Variants in ZNF483 observed in about 807,000 individuals in gnomAD.
ZNF483 encodes the protein zinc finger protein 483.
In ZNF483, 9 loss-of-function variants were observed where a neutral mutation model predicts 28.6. The observed-to-expected ratio is 0.32, with a 90% confidence interval of 0.19 to 0.55. ZNF483 has a LOEUF of 0.55. Among genes scored for constraint, ZNF483 ranks in the 20% least tolerant of loss-of-function variants. The pLI, the probability that ZNF483 is intolerant of heterozygous loss-of-function variation, is 0.93. For missense variants in ZNF483, 675 were observed against 871.7 expected, an observed-to-expected ratio of 0.77 and a Z score of 2.84; for synonymous variants, 322 against 306.2, an observed-to-expected ratio of 1.05 and a Z score of -0.54.
chr9:111,535,900 CT>C lies in ZNF483; in HGVS notation c.721+1561del, dbSNP rs571414598. On this transcript the variant is annotated intron_variant, in intron 5 of 5. Coordinates refer to ENST00000309235, the MANE Select transcript of ZNF483 (RefSeq NM_133464.5). ...CTTACAATTTATATATATTATTATT[CT>C]TTTTTTTTTTTTTGAGACAGAGTTA... Among the ~76,000 whole-genome samples, 616 of 132,114 alleles carry C rather than the reference CT, an allele frequency of 4.7e-3. 7 individuals are homozygous for C. Among genetic ancestry groups the C allele is most frequent in the African/African-American group, 0.015 (523 of 35,642 alleles). The allele number at this position is 132,114 out of a possible 152,430, so 86.7% of individuals were successfully genotyped here.
chr9:111,537,671 G>T (rs1231710677), intron 5 of ZNF483, among the ~76,000 whole-genome samples: 1 of 152,042 alleles, frequency 6.6e-6, no homozygotes, highest in Non-Finnish European at 1.5e-5. Flanking sequence ...CTGTCATTCA[G>T]GCTAGGGTGC....
At chr9:111,565,582 G>A (rs1828524322) in intron 5 of ZNF483, among the ~76,000 whole-genome samples, 1 of 152,104 alleles carries the variant, frequency 6.6e-6, no homozygotes, top group Admixed American at 6.5e-5. Flanking sequence ...GAGGACAGTG[G>A]CACATTCAGA....
rs1348190607 is a variant in ZNF483, at chr9:111,548,061, C to T, written c.*4891C>T. On this transcript the variant is annotated 3_prime_UTR_variant, in exon 6 of 6. Transcript: ENST00000309235. ...TGTAATCAGGATTACACTACGTTTC[C>T]TGTAGTATGTTTTTGAAATGAGGAA... Among the ~76,000 whole-genome samples, 1 of 152,118 alleles carries T rather than the reference C, an allele frequency of 6.6e-6. No homozygotes were observed. The highest frequency in any genetic ancestry group is 1.5e-5 in the Non-Finnish European group (1 of 68,020).
chr9:111,549,648 T>TGGC lies in ZNF483; in HGVS notation c.*6479_*6481dup, dbSNP rs1827881456. 7.7e-7 allele frequency: 1 copy of TGGC among 1,300,930 alleles called. No homozygotes were observed. Among genetic ancestry groups the TGGC allele is most frequent in the Non-Finnish European group, 1.1e-6 (1 of 939,172 alleles). The allele number at this position is 1,300,930 out of a possible 1,614,324, so 80.6% of individuals were successfully genotyped here. A position where few individuals can be genotyped will look rare whatever the true frequency, so the allele number is the denominator to read the frequency against. ...TCTGGGGCAGCGGTCGTGGTGGTGG[T>TGGC]GGCAGCGGCAGCAGGGTTCCCCATT... On this transcript the variant is annotated 3_prime_UTR_variant, in exon 6 of 6. Coordinates refer to ENST00000309235, the MANE Select transcript of ZNF483 (RefSeq NM_133464.5).
intron 5 of ZNF483, among the ~76,000 whole-genome samples, chr9:111,568,497 C>T (rs564374034): frequency 6.6e-6 from 1 of 152,306 alleles, no homozygotes; most frequent in South Asian, 2.1e-4. Context: ...GCACAGTGAA[C>T]ATAGACCCTT....
downstream of ZNF483, among the ~76,000 whole-genome samples, chr9:111,559,491 G>A (rs966728845): frequency 6.6e-6 from 1 of 151,950 alleles, no homozygotes; most frequent in African/African-American, 2.4e-5. Flanking sequence ...ACCCTGCTAT[G>A]ACTCAAGCCA....
At chr9:111,575,736 A>G (rs971441783) in intron 5 of ZNF483, among the ~76,000 whole-genome samples, 1 of 152,254 alleles carries the variant, frequency 6.6e-6, no homozygotes, top group African/African-American at 2.4e-5. Context: ...TACTACACAC[A>G]AAAATTAACT....
intron 1 of ZNF483, among the ~76,000 whole-genome samples, chr9:111,525,517 A>AG (rs1360283350): frequency 6.6e-6 from 1 of 151,966 alleles, no homozygotes; most frequent in Non-Finnish European, 1.5e-5. Context: ...TGTGGCGGTG[A>AG]GGGGGAGGCT....
chr9:111,532,998 T>C (rs1827388009), intron 3 of ZNF483, among the ~76,000 whole-genome samples: 1 of 152,198 alleles, frequency 6.6e-6, no homozygotes, highest in Non-Finnish European at 1.5e-5. Context: ...TGTCAGTATG[T>C]TGTTGAACAT....
At chr9:111,558,597 T>A (rs1308495183), downstream of ZNF483, among the ~76,000 whole-genome samples, 1 of 152,198 alleles carries the variant, frequency 6.6e-6, no homozygotes, top group Admixed American at 6.5e-5. Flanking sequence ...TTCCTTTTAG[T>A]AGAGAATAAT....
At chr9:111,527,095 T>G (rs1827201398) in intron 1 of ZNF483, among the ~76,000 whole-genome samples, 173 bp from the exon 2 acceptor site, 1 of 150,682 alleles carries the variant, frequency 6.6e-6, no homozygotes, top group Non-Finnish European at 1.5e-5. Flanking sequence ...AGAGCGAAAC[T>G]CCGTCTCAAA....
intron 5 of ZNF483, among the ~76,000 whole-genome samples, chr9:111,575,930 A>G (rs1196130125): frequency 1.3e-5 from 2 of 152,096 alleles, no homozygotes; most frequent in African/African-American, 2.4e-5. Context: ...TTCATGCTTC[A>G]AAGAATACCA....
Position 111,546,209 on chromosome 9 carries a change from G to A in ZNF483, c.*3039G>A, listed in dbSNP as rs1017808622. 6.6e-6 allele frequency among the ~76,000 whole-genome samples: 1 copy of A among 152,146 alleles called. No homozygotes were observed. Among genetic ancestry groups the A allele is most frequent in the African/African-American group, 2.4e-5 (1 of 41,436 alleles). On this transcript the variant is annotated 3_prime_UTR_variant, in exon 6 of 6. Transcript: ENST00000309235. Reference sequence around the variant, plus strand: ...AGCCATTCATGTATCTTAGTGAAATGTTTATTCAGATTTTTTGTCCATTTA... The same window carrying A: ...AGCCATTCATGTATCTTAGTGAAATATTTATTCAGATTTTTTGTCCATTTA...
intron 5 of ZNF483, among the ~76,000 whole-genome samples, chr9:111,561,148 G>GAGAGAGAGA (rs1267075709): frequency 2.9e-5 from 1 of 34,838 alleles, no homozygotes; most frequent in Non-Finnish European, 4.9e-5. Context: ...GGAGAGAGAG[G>GAGAGAGAGA]GAGAGAGAGA....
In ZNF483 at chr9:111,551,888, C is replaced by A. The variant is rs1260453258; in HGVS notation, c.*8718C>A. On this transcript the variant is annotated 3_prime_UTR_variant, in exon 6 of 6. Transcript: ENST00000309235. The stretch of plus-strand genomic sequence containing the variant: ...ATGGAAACAAAACAGTTTATCAATA[C>A]AATATATCATTCTTCAGATTTTGCT... Among the ~76,000 whole-genome samples, 1 of 152,168 alleles carries A rather than the reference C, an allele frequency of 6.6e-6. No homozygotes were observed. The highest frequency in any genetic ancestry group is 2.4e-5 in the African/African-American group (1 of 41,438).
intron 5 of ZNF483, among the ~76,000 whole-genome samples, chr9:111,570,903 G>A (rs764086986): frequency 3.3e-5 from 5 of 152,188 alleles, no homozygotes; most frequent in Admixed American, 6.5e-5. Flanking sequence ...TACAGTCAGG[G>A]ACAGAATATG....
At position 111,548,155 on chromosome 9, in the gene ZNF483, T is replaced by C. The variant is rs754919291; in HGVS notation, c.*4985T>C. Among the ~76,000 whole-genome samples, 23 of 152,162 alleles carry C rather than the reference T, an allele frequency of 1.5e-4. No homozygotes were observed. The highest frequency in any genetic ancestry group is 6.6e-5 in the Admixed American group (1 of 15,260). On this transcript the variant is annotated 3_prime_UTR_variant, in exon 6 of 6. Coordinates refer to ENST00000309235, the MANE Select transcript of ZNF483 (RefSeq NM_133464.5). ...ATTTGGGGGTCCTTAAGATTTCAAA[T>C]GAATTTTAGGATGGTTTGTTTGTTT...
chr9:111,527,337 G>C lies in ZNF483; in HGVS notation c.-59G>C, dbSNP rs1035328883. ...CTGGCTGTGTATAGTGCCTGTTGGTGGACTGTACTGATACTCAACTAGAGT... is the reference window on the plus strand; with the variant it reads ...CTGGCTGTGTATAGTGCCTGTTGGTCGACTGTACTGATACTCAACTAGAGT... On this transcript the variant is annotated 5_prime_UTR_variant, in exon 2 of 6. Coordinates refer to ENST00000309235, the MANE Select transcript of ZNF483 (RefSeq NM_133464.5). 49 of 1,553,830 alleles carry C rather than the reference G, an allele frequency of 3.2e-5. No homozygotes were observed. Among genetic ancestry groups the C allele is most frequent in the Non-Finnish European group, 4.1e-5 (47 of 1,145,272 alleles).
At position 111,544,091 on chromosome 9, in the gene ZNF483, C is replaced by T; in HGVS notation, c.*921C>T. 1 of 985,248 alleles carries T rather than the reference C, an allele frequency of 1.0e-6. No homozygotes were observed. The highest frequency in any genetic ancestry group is 1.2e-6 in the Non-Finnish European group (1 of 829,946). The allele number at this position is 985,248 out of a possible 1,614,324, so 61.0% of individuals were successfully genotyped here. ...AACTCTTTTTCTTTTGGGCATTGGC[C>T]AACAGGACTGAGAAGCCAGAGAGCT... On this transcript the variant is annotated 3_prime_UTR_variant, in exon 6 of 6. Coordinates refer to ENST00000309235, the MANE Select transcript of ZNF483 (RefSeq NM_133464.5).
Sources: allele counts gnomAD v4.1 joint callset (sites outside exome capture counted in the v4.1 genomes callset), GRCh38; gene constraint gnomAD v4.1.1; transcripts MANE v1.5; gene names NCBI Gene and HGNC (gene_info 2026-07-23, HGNC 2026-07-21).